The following DSCAML1 variants were observed in gnomAD, a reference collection of about 807,000 sequenced individuals.
DSCAML1 encodes the protein DS cell adhesion molecule like 1.
DSCAML1 carries 38 observed loss-of-function variants against 200.5 expected under a neutral mutation model. The observed-to-expected ratio is 0.19, with a 90% CI of 0.15 to 0.25. The LOEUF (loss-of-function observed/expected upper bound fraction) is 0.25. DSCAML1 is among the 10% of genes least tolerant of loss of function. The pLI is 1.00. For synonymous variants in DSCAML1, 1,215 were observed against 1,165.0 expected (o/e 1.04, Z -0.87); for missense variants, 2,223 against 2,858.8 (o/e 0.78, Z 5.07).
At chr11:117,775,775 G>A (rs2055119643) in intron 3 of DSCAML1, among the ~76,000 whole-genome samples, 1 of 151,966 alleles carries the variant, frequency 6.6e-6, no homozygotes, top group Non-Finnish European at 1.5e-5. Context: ...GAGCTCCTCG[G>A]GGATTTAAAT....
At chr11:117,467,710 G>A (rs1180320228) in intron 16 of DSCAML1, among the ~76,000 whole-genome samples, 1 of 152,040 alleles carries the variant, frequency 6.6e-6, no homozygotes, top group Non-Finnish European at 1.5e-5. Context: ...TTGCTGCTCT[G>A]TAAGTGGACA....
chr11:117,525,987 C>T (rs1425355889), intron 4 of DSCAML1, among the ~76,000 whole-genome samples: 1 of 152,204 alleles, frequency 6.6e-6, no homozygotes, highest in Non-Finnish European at 1.5e-5. Flanking sequence ...TGTGACAATC[C>T]TCTATTTCGC....
chr11:117,507,592 G>T (rs2049526811), intron 8 of DSCAML1, among the ~76,000 whole-genome samples: 1 of 152,174 alleles, frequency 6.6e-6, no homozygotes, highest in African/African-American at 2.4e-5. Flanking sequence ...GCCCTCAGGT[G>T]ACCCTTCCAA....
At chr11:117,707,356 G>A (rs934685077) in intron 3 of DSCAML1, among the ~76,000 whole-genome samples, 10 of 152,164 alleles carry the variant, frequency 6.6e-5, no homozygotes, top group African/African-American at 2.4e-4. Context: ...AAAGGACAGA[G>A]TGAATGGTCG....
At chr11:117,716,500 T>C (rs1030184792) in intron 3 of DSCAML1, among the ~76,000 whole-genome samples, 1 of 152,162 alleles carries the variant, frequency 6.6e-6, no homozygotes, top group Non-Finnish European at 1.5e-5. Context: ...ACTGTAGCCA[T>C]GAGCGCTGCA....
intron 8 of DSCAML1, among the ~76,000 whole-genome samples, chr11:117,513,989 C>T (rs910641182): frequency 6.6e-6 from 1 of 152,198 alleles, no homozygotes; most frequent in Non-Finnish European, 1.5e-5. Context: ...GGCCCTTCCA[C>T]CGGATGTCCA....
chr11:117,428,408 G>C lies in DSCAML1; in HGVS notation c.6082C>G (p.Leu2028Val). Residue 2028 changes from leucine (L) to valine (V), a missense_variant, in exon 33 of 33, where the codon CTC becomes GTC. Around this residue, in one of 7 missense-constraint regions of DSCAML1, gnomAD observed 280 missense variants for 213.4 expected, o/e 1.31. Coordinates refer to ENST00000651296, the MANE Select transcript of DSCAML1 (RefSeq NM_020693.4). ...CCTACCCCCGATGTGCTCATCTCGA[G>C]AAGCGAGTCCCTGGAGCCCCCCATT... ...TKMGGSRDSLLEMSTSGVGRS... is the reference protein window; with the variant it reads ...TKMGGSRDSLVEMSTSGVGRS... 2 of 1,570,296 alleles carry C rather than the reference G, an allele frequency of 1.3e-6. No individual in the cohort carries two copies. The highest frequency in any genetic ancestry group is 1.7e-6 in the Non-Finnish European group (2 of 1,162,774).
chr11:117,809,921 A>T (rs1166594140), intron 1 of DSCAML1, among the ~76,000 whole-genome samples: 1 of 151,062 alleles, frequency 6.6e-6, no homozygotes, highest in Non-Finnish European at 1.5e-5. Flanking sequence ...ACATTCACAC[A>T]TTCACACACA....
intron 3 of DSCAML1, among the ~76,000 whole-genome samples, chr11:117,581,516 C>T (rs919025106): frequency 6.6e-6 from 1 of 152,142 alleles, no homozygotes; most frequent in African/African-American, 2.4e-5. Flanking sequence ...TCAGTTTTGG[C>T]TTTTCTAGAA....
At chr11:117,722,821 C>G (rs996305919) in intron 3 of DSCAML1, among the ~76,000 whole-genome samples, 5 of 152,196 alleles carry the variant, frequency 3.3e-5, no homozygotes, top group Admixed American at 6.5e-5. Flanking sequence ...TGACAAATCT[C>G]ATCCCCCATC....
At chr11:117,455,257 C>T (rs978574572) in intron 19 of DSCAML1, among the ~76,000 whole-genome samples, 5 of 152,212 alleles carry the variant, frequency 3.3e-5, no homozygotes, top group South Asian at 2.1e-4. Context: ...TTGTCACTGC[C>T]GTTCATCCTC....
At chr11:117,462,223 C>G (rs1455920017) in intron 17 of DSCAML1, among the ~76,000 whole-genome samples, 1 of 152,242 alleles carries the variant, frequency 6.6e-6, no homozygotes, top group East Asian at 1.9e-4. Context: ...CCCTTGTATT[C>G]AAACACACCA....
At chr11:117,697,774 T>A (rs1253326403) in intron 3 of DSCAML1, among the ~76,000 whole-genome samples, 2 of 111,116 alleles carry the variant, frequency 1.8e-5, no homozygotes, top group African/African-American at 7.3e-5. Flanking sequence ...CAAAATTTCC[T>A]TTTTTTTTTT....
chr11:117,586,151 C>T (rs2051137092), intron 3 of DSCAML1, among the ~76,000 whole-genome samples: 1 of 152,180 alleles, frequency 6.6e-6, no homozygotes, highest in Non-Finnish European at 1.5e-5. Context: ...AAGTGACTTT[C>T]CAAGATCACA....
rs1468070468 is a variant in DSCAML1, at chr11:117,780,504, C to A, written c.353G>T (p.Arg118Leu). Residue 118 changes from arginine (R) to leucine (L), a missense_variant, in exon 2 of 33, where the codon CGC becomes CTC. Physicochemically the swap from Arg to Leu is moderately radical, Grantham distance 102. Transcript: ENST00000651296. This position sits in a 1 kb window ranked among gnomAD's most constrained non-coding sequence, Gnocchi z 4.8. The part of the protein sequence containing the change: ...AAGKIRSPNI[R>L]VKAVFREPYT... ...GTCTTGTCCCTTACCTGCTTTGACG[C>A]GGATGTTGGGGCTCCGGATCTTGCC... 1 of 1,448,944 alleles carries A rather than the reference C, an allele frequency of 6.9e-7. No homozygotes were observed. The allele number at this position is 1,448,944 out of a possible 1,614,324, so 89.8% of individuals were successfully genotyped here.
chr11:117,595,636 C>T (rs910972026), intron 3 of DSCAML1, among the ~76,000 whole-genome samples: 19 of 152,156 alleles, frequency 1.2e-4, no homozygotes, highest in Non-Finnish European at 2.4e-4. Flanking sequence ...AAATCTGAGG[C>T]AGAGGATGAG....
chr11:117,472,540 G>A (rs1184024708), intron 14 of DSCAML1, among the ~76,000 whole-genome samples: 1 of 152,188 alleles, frequency 6.6e-6, no homozygotes, highest in African/African-American at 2.4e-5. Flanking sequence ...GAACTTGAGT[G>A]TTATATGTCA....
chr11:117,560,012 C>A (rs1027416811), intron 3 of DSCAML1, among the ~76,000 whole-genome samples: 4 of 152,010 alleles, frequency 2.6e-5, no homozygotes, highest in African/African-American at 9.7e-5. Context: ...TGGGTGAGTT[C>A]CCCAAGTGAA....
chr11:117,690,320 G>A (rs566545873), intron 3 of DSCAML1, among the ~76,000 whole-genome samples: 1 of 152,340 alleles, frequency 6.6e-6, no homozygotes, highest in East Asian at 1.9e-4. Context: ...CCCAGCATGG[G>A]GGAGTCTCAC....
Sources: allele counts gnomAD v4.1 joint callset (sites outside exome capture counted in the v4.1 genomes callset), GRCh38; gene constraint gnomAD v4.1.1; regional missense constraint gnomAD v4.1.1; non-coding constraint Gnocchi (gnomAD v3.1); transcripts MANE v1.5; gene names NCBI Gene and HGNC (gene_info 2026-07-23, HGNC 2026-07-21).